Variants in ANKMY1 observed in about 807,000 individuals in gnomAD.
ANKMY1 encodes ankyrin repeat and MYND domain containing 1.
Under a neutral mutation model 102.0 loss-of-function variants are expected in ANKMY1, and 98 were observed. The ratio of observed to expected loss-of-function variants is 0.96; its 90% CI spans 0.82 to 1.14. The LOEUF (loss-of-function observed/expected upper bound fraction) is 1.14, where lower values mean the gene tolerates loss of function less well. Ranked by LOEUF, ANKMY1 falls within the 50% of genes most tolerant of loss-of-function variation. The pLI is 0.00. For missense variants in ANKMY1, 1,330 were observed against 1,347.6 expected, an observed-to-expected ratio of 0.99 and a Z score of 0.20; for synonymous variants, 582 against 559.9, an observed-to-expected ratio of 1.04 and a Z score of -0.56.
chr2:240,483,094 C>T (rs1425223716), intron 15 of ANKMY1, among the ~76,000 whole-genome samples: 1 of 152,090 alleles, frequency 6.6e-6, no homozygotes, highest in African/African-American at 2.4e-5. Context: ...CCATTCCAGC[C>T]TTCTTGTGAT....
intron 15 of ANKMY1, among the ~76,000 whole-genome samples, chr2:240,493,167 CA>C (rs111689167): frequency 0.81 from 121,628 of 150,986 alleles, 49,130 homozygotes; most frequent in East Asian, 0.99. Flanking sequence ...ACTAAAAATA[CA>C]AAAAAAAAAT....
chr2:240,560,923 C>A, upstream of ANKMY1: 1 of 1,535,726 alleles, frequency 6.5e-7, no homozygotes, highest in Non-Finnish European at 8.7e-7. Flanking sequence ...GACCTGCTGG[C>A]GCACCTGGAG....
At chr2:240,548,949 T>G (rs2125015491) in intron 4 of ANKMY1, among the ~76,000 whole-genome samples, 1 of 152,234 alleles carries the variant, frequency 6.6e-6, no homozygotes, top group South Asian at 2.1e-4. Context: ...CCAAGGTAAT[T>G]TACAGATTCA....
intron 14 of ANKMY1, 143 bp downstream of exon 14, chr2:240,500,307 TCA>T: frequency 8.8e-7 from 1 of 1,132,282 alleles, no homozygotes; most frequent in Non-Finnish European, 1.2e-6. Context: ...TTTGGGGGGT[TCA>T]CCTCTGCAGC....
upstream of ANKMY1, chr2:240,560,057 T>A (rs762875792): frequency 1.3e-5 from 2 of 152,380 alleles, no homozygotes; most frequent in Non-Finnish European, 2.9e-5. Flanking sequence ...AATAGTGTGG[T>A]CTATGAAGAA....
intron 5 of ANKMY1, chr2:240,526,857 T>C (rs2083556182): frequency 8.6e-7 from 1 of 1,165,110 alleles, no homozygotes; most frequent in Non-Finnish European, 1.1e-6. Flanking sequence ...CATCCATTTT[T>C]GTCTGAGTAG....
Position 240,500,576 on chromosome 2 carries a change from C to T in ANKMY1, c.2527-11G>A, listed in dbSNP as rs781721171. 6.2e-7 allele frequency: 1 copy of T among 1,612,408 alleles called. No homozygotes were observed. The highest frequency in any genetic ancestry group is 8.5e-7 in the Non-Finnish European group (1 of 1,178,632). On this transcript the variant is annotated splice_polypyrimidine_tract_variant and intron_variant, in intron 13 of 17. Transcript: ENST00000401804. ...GATGAGTCGGTCAATCTGTGGAGAA[C>T]AGAACCAGGTCAAACACGCAAGGAC...
intron 7 of ANKMY1, 71 bp downstream of exon 7, chr2:240,525,614 G>A: frequency 6.5e-7 from 1 of 1,527,508 alleles, no homozygotes. Context: ...GAGGAGGCTT[G>A]GTGGACATTT....
At chr2:240,528,158 G>A (rs569260086) in intron 5 of ANKMY1, among the ~76,000 whole-genome samples, 59 of 152,056 alleles carry the variant, frequency 3.9e-4, no homozygotes, top group African/African-American at 1.4e-3. Context: ...GTGGTGGCAG[G>A]CACCTGTAAT....
intron 7 of ANKMY1, 62 bp downstream of exon 7, chr2:240,525,623 T>G: frequency 6.4e-7 from 1 of 1,559,992 alleles, no homozygotes; most frequent in South Asian, 1.2e-5. Flanking sequence ...TGGTGGACAT[T>G]TACAGAGACA....
intron 13 of ANKMY1, among the ~76,000 whole-genome samples, chr2:240,503,480 C>T (rs1466244534): frequency 6.6e-6 from 1 of 152,190 alleles, no homozygotes; most frequent in Non-Finnish European, 1.5e-5. Flanking sequence ...GGTGCTGCAG[C>T]CATCCAAATG....
chr2:240,551,383 A>G (rs1296343891), intron 4 of ANKMY1, among the ~76,000 whole-genome samples: 1 of 152,204 alleles, frequency 6.6e-6, no homozygotes, highest in Admixed American at 6.5e-5. Flanking sequence ...GCATATGTTT[A>G]ATAAGAATCT....
At position 240,557,190 on chromosome 2, in the gene ANKMY1, C is replaced by G. The variant is rs1031141217; in HGVS notation, c.146G>C (p.Arg49Thr). Reference sequence around the variant, plus strand: ...CTCCCCGCTGGAGGGTCCCCCGCACCTTGTGGCGAAGACAGCGTAGTTCTT... The same window carrying G: ...CTCCCCGCTGGAGGGTCCCCCGCACGTTGTGGCGAAGACAGCGTAGTTCTT... ...SLKNYAVFAT[R>T]DVSAAPEKEE... is the part of the protein sequence containing the mutation. Residue 49 changes from arginine (R) to threonine (T), a missense_variant and splice_region_variant, in exon 2 of 18, where the codon AGG becomes ACG. Transcript: ENST00000401804. The G allele has an allele frequency of 2.0e-6, 3 of 1,522,514 alleles. No individual in the cohort carries two copies. In the African/African-American group the frequency reaches 4.2e-5, roughly 21 times the overall value. The allele number at this position is 1,522,514 out of a possible 1,614,324, so 94.3% of individuals were successfully genotyped here. A position where few individuals can be genotyped will look rare whatever the true frequency, so the allele number is the denominator to read the frequency against.
chr2:240,545,704 G>A (rs1290646124), intron 4 of ANKMY1, among the ~76,000 whole-genome samples: 17 of 152,150 alleles, frequency 1.1e-4, no homozygotes, highest in Admixed American at 2.0e-4. Flanking sequence ...CGAGAACTAC[G>A]TGAAGAATGC....
Position 240,512,953 on chromosome 2 carries a change from A to C in ANKMY1, c.2005-11T>G. 6.2e-7 allele frequency: 1 copy of C among 1,609,990 alleles called. No individual in the cohort carries two copies. The highest frequency in any genetic ancestry group is 1.1e-5 in the South Asian group (1 of 90,654). On this transcript the variant is annotated splice_polypyrimidine_tract_variant and intron_variant, in intron 9 of 17. Transcript: ENST00000401804. ...TGTCAGGGTGCTCAGCTGCAGAGGA[A>C]ACACCGGGGCGGGCAGTGAGGCACA...
chr2:240,476,000 A>G (rs994559466), downstream of ANKMY1, among the ~76,000 whole-genome samples: 1 of 152,188 alleles, frequency 6.6e-6, no homozygotes, highest in African/African-American at 2.4e-5. Flanking sequence ...AGCAAAAACA[A>G]TCTTAAAATT....
chr2:240,477,614 G>A (rs578066184), downstream of ANKMY1, among the ~76,000 whole-genome samples: 2 of 152,108 alleles, frequency 1.3e-5, no homozygotes, highest in Non-Finnish European at 2.9e-5. Flanking sequence ...CTGGAACTCC[G>A]GGGCTCAAGC....
intron 15 of ANKMY1, among the ~76,000 whole-genome samples, chr2:240,489,631 C>G (rs1352931703): frequency 6.6e-6 from 1 of 152,014 alleles, no homozygotes; most frequent in Non-Finnish European, 1.5e-5. Flanking sequence ...GAAGCCTCAC[C>G]TAATCTTTTG....
rs751879705 is a variant in ANKMY1, at chr2:240,523,971, G to T, written c.1746C>A (p.His582Gln). The stretch of plus-strand genomic sequence containing the variant: ...AGGGCGAGGCCATCTTCAGCAAGCT[G>T]TGGGACTGGGCGCTTCTCTCCAGCA... ...QAMLERSAQS[H>Q]SLLKMASPSP... The change falls in exon 8 of 18, where the codon CAC (histidine) becomes CAA (glutamine). Residue 582 changes from histidine to glutamine, a missense_variant. Coordinates refer to ENST00000401804, the MANE Select transcript of ANKMY1 (RefSeq NM_001282771.3). The T allele has an allele frequency of 4.3e-6, 7 of 1,613,768 alleles. No individual in the cohort carries two copies. The African/African-American group carries it at 9.3e-5, about 22-fold the overall frequency.
Sources: allele counts gnomAD v4.1 joint callset (sites outside exome capture counted in the v4.1 genomes callset), GRCh38; gene constraint gnomAD v4.1.1; transcripts MANE v1.5; gene names NCBI Gene and HGNC (gene_info 2026-07-23, HGNC 2026-07-21).